The following ATOX1 variants were observed in gnomAD, a reference collection of about 807,000 sequenced individuals.
ATOX1 encodes the protein copper transport protein ATOX1.
ATOX1 carries 4 observed loss-of-function variants against 7.3 expected under a neutral mutation model. The ratio of observed to expected loss-of-function variants is 0.55; its 90% CI spans 0.27 to 1.25. ATOX1 has a LOEUF of 1.25. Ranked by LOEUF, ATOX1 falls within the 50% of genes most tolerant of loss-of-function variation. The pLI is 0.12. For synonymous variants in ATOX1, 25 were observed against 28.7 expected, an observed-to-expected ratio of 0.87 and a Z score of 0.41; for missense variants, 68 against 81.6, an observed-to-expected ratio of 0.83 and a Z score of 0.64.
chr5:151,750,647 T>TC lies in ATOX1; in HGVS notation c.82+1056_82+1057insG, dbSNP rs1169943886. Among the ~76,000 whole-genome samples the TC allele has an allele frequency of 3.2e-3, 449 of 140,894 alleles. 2 individuals are homozygous for TC. The highest frequency in any genetic ancestry group is 4.5e-3 in the Non-Finnish European group (293 of 65,136). The allele number at this position is 140,894 out of a possible 152,430, so 92.4% of individuals were successfully genotyped here. The stretch of plus-strand genomic sequence containing the variant: ...TAAATCTTTCCTTTTTTTCTTTCTT[T>TC]TTTTTTTTTTTTTTTTGGAGACAGG... On this transcript the variant is annotated intron_variant, in intron 2 of 3. Coordinates refer to ENST00000313115, the MANE Select transcript of ATOX1 (RefSeq NM_004045.4).
At chr5:151,746,540 C>A in intron 2 of ATOX1, 91 bp from the exon 3 acceptor site, 2 of 1,543,798 alleles carry the variant, frequency 1.3e-6, no homozygotes, top group Non-Finnish European at 8.9e-7. Context: ...TTACTACTCA[C>A]AACCACCCTT....
chr5:151,756,415 T>C (rs1762017309), intron 1 of ATOX1, among the ~76,000 whole-genome samples: 1 of 151,744 alleles, frequency 6.6e-6, no homozygotes, highest in Non-Finnish European at 1.5e-5. Flanking sequence ...CCTATAGTTT[T>C]CTCTTCTCTT....
intron 1 of ATOX1, among the ~76,000 whole-genome samples, chr5:151,755,487 C>T (rs1211095573): frequency 1.3e-5 from 2 of 152,128 alleles, no homozygotes; most frequent in Non-Finnish European, 2.9e-5. Context: ...CAAAGTACAC[C>T]GCCAGCCCTC....
At chr5:151,751,827 C>T in intron 1 of ATOX1, 48 bp from the exon 2 acceptor site, 1 of 1,556,906 alleles carries the variant, frequency 6.4e-7, no homozygotes, top group African/African-American at 1.4e-5. Flanking sequence ...TAGAGTGACC[C>T]CCACACAGTG....
intron 2 of ATOX1, among the ~76,000 whole-genome samples, chr5:151,751,188 G>A (rs919169640): frequency 9.3e-5 from 14 of 151,160 alleles, no homozygotes; most frequent in Admixed American, 2.6e-4. Flanking sequence ...CCTGGGAGGC[G>A]GAGGTTGCAA....
intron 1 of ATOX1, among the ~76,000 whole-genome samples, chr5:151,754,289 T>C (rs1761985165): frequency 6.6e-6 from 1 of 152,106 alleles, no homozygotes; most frequent in Non-Finnish European, 1.5e-5. Flanking sequence ...CACATTACAG[T>C]CTGAGATGAT....
intron 2 of ATOX1, among the ~76,000 whole-genome samples, chr5:151,750,036 AAAAAG>A (rs1293251936): frequency 6.6e-6 from 1 of 152,252 alleles, no homozygotes; most frequent in Non-Finnish European, 1.5e-5. Context: ...TAGGGTTTTA[AAAAAG>A]AAAATTTTAG....
intron 2 of ATOX1, 31 bp from the exon 3 acceptor site, chr5:151,746,480 AG>A: frequency 6.2e-7 from 1 of 1,612,400 alleles, no homozygotes; most frequent in Non-Finnish European, 8.5e-7. Context: ...GTATGGGGAG[AG>A]GAAGCACAGA....
rs747215739 is a variant in ATOX1, at chr5:151,758,578, G to C, written c.-27C>G. 5.6e-6 allele frequency: 8 copies of C among 1,420,938 alleles called. No homozygotes were observed. Among genetic ancestry groups the C allele is most frequent in the Non-Finnish European group, 7.4e-6 (8 of 1,082,620 alleles). The allele number at this position is 1,420,938 out of a possible 1,614,324, so 88.0% of individuals were successfully genotyped here. A position where few individuals can be genotyped will look rare whatever the true frequency, so the allele number is the denominator to read the frequency against. ...ACTGAGGCAGCGGCGGTGTGGCGGCGGTGTGGCGGCGGTGTCAGCAGCGCC... is the reference window on the plus strand; with the variant it reads ...ACTGAGGCAGCGGCGGTGTGGCGGCCGTGTGGCGGCGGTGTCAGCAGCGCC... On this transcript the variant is annotated 5_prime_UTR_variant, in exon 1 of 4. Coordinates refer to ENST00000313115, the MANE Select transcript of ATOX1 (RefSeq NM_004045.4).
intron 1 of ATOX1, 21 bp downstream of exon 1, chr5:151,758,524 CG>C: frequency 1.4e-6 from 2 of 1,472,858 alleles, no homozygotes; most frequent in Non-Finnish European, 1.8e-6. Context: ...GTCTGCGTGG[CG>C]GGGACGGCGC....
chr5:151,752,000 A>AT (rs1761957127), intron 1 of ATOX1: 2 of 600,494 alleles, frequency 3.3e-6, no homozygotes, highest in Admixed American at 3.0e-5. Context: ...AATCATCCCT[A>AT]TAAATCCTTT....
At chr5:151,750,644 CTTTTTTTTTTT>C (rs34586233) in intron 2 of ATOX1, among the ~76,000 whole-genome samples, 5 of 100,352 alleles carry the variant, frequency 5.0e-5, no homozygotes, top group Admixed American at 1.1e-4. Context: ...TTTTTTCTTT[CTTTTTTTTTTT>C]TTTTTTTTGG....
intron 1 of ATOX1, among the ~76,000 whole-genome samples, chr5:151,758,246 C>T (rs527240759): frequency 1.2e-4 from 18 of 152,364 alleles, no homozygotes; most frequent in African/African-American, 4.1e-4. Flanking sequence ...CCAACTCCCC[C>T]ATCCCCTGCC....
At chr5:151,746,128 A>G (rs1392130083) in intron 3 of ATOX1, 151 bp downstream of exon 3, 2 of 625,384 alleles carry the variant, frequency 3.2e-6, no homozygotes, top group African/African-American at 1.8e-5. Context: ...ATAATAAAAT[A>G]TTTGTAACCA....
In ATOX1 at chr5:151,746,446, A is replaced by C; in HGVS notation, c.86T>G (p.Val29Gly). 6.2e-7 allele frequency: 1 copy of C among 1,613,596 alleles called. No individual in the cohort carries two copies. Among genetic ancestry groups the C allele is most frequent in the Non-Finnish European group, 8.5e-7 (1 of 1,179,672 alleles). The change falls in exon 3 of 4, where the codon GTT becomes GGT. Residue 29 changes from valine to glycine, a missense_variant. Physicochemically the swap from Val to Gly is moderately radical, Grantham distance 109. Coordinates refer to ENST00000313115, the MANE Select transcript of ATOX1 (RefSeq NM_004045.4). ...VSRVLNKLGG[V>G]KYDIDLPNKK... ...GTTGGGCAGGTCAATGTCATACTTAACTCCTGCAGGAAGAGGAAATGGGGT... is the reference window on the plus strand; with the variant it reads ...GTTGGGCAGGTCAATGTCATACTTACCTCCTGCAGGAAGAGGAAATGGGGT...
At chr5:151,747,708 C>T (rs1761896112) in intron 2 of ATOX1, among the ~76,000 whole-genome samples, 1 of 152,160 alleles carries the variant, frequency 6.6e-6, no homozygotes, top group Non-Finnish European at 1.5e-5. Context: ...CCTCAGCCAG[C>T]CTCCCGAGTG....
chr5:151,744,552 G>GT (rs1433519640), intron 3 of ATOX1: 2 of 152,070 alleles, frequency 1.3e-5, no homozygotes, highest in East Asian at 3.8e-4. Context: ...AAAAAAGTTC[G>GT]TATGCCCAGG....
intron 2 of ATOX1, among the ~76,000 whole-genome samples, chr5:151,749,488 A>G (rs969269519): frequency 1.4e-5 from 2 of 138,892 alleles, no homozygotes; most frequent in African/African-American, 5.5e-5. Flanking sequence ...TCTGCCTCAG[A>G]AAAAAAAAAA....
chr5:151,744,137 C>A (rs1181330613), intron 3 of ATOX1: 1 of 152,046 alleles, frequency 6.6e-6, no homozygotes, highest in Non-Finnish European at 1.5e-5. Context: ...TTAGTGGCTG[C>A]CAGGGGATGG....
Sources: allele counts gnomAD v4.1 joint callset (sites outside exome capture counted in the v4.1 genomes callset), GRCh38; gene constraint gnomAD v4.1.1; transcripts MANE v1.5; gene names NCBI Gene and HGNC (gene_info 2026-07-23, HGNC 2026-07-21).